Variants in PTPN11 observed in about 807,000 individuals in gnomAD.
PTPN11 encodes tyrosine-protein phosphatase non-receptor type 11.
In PTPN11, 6 loss-of-function variants were observed where a neutral mutation model predicts 78.8. That is an observed-to-expected ratio of 0.08 (90% confidence interval 0.04 to 0.15). The LOEUF is 0.15. PTPN11 is among the 10% of genes least tolerant of loss of function. PTPN11 has a pLI of 1.00. For synonymous variants in PTPN11, 221 were observed against 263.5 expected (o/e 0.84, Z 1.56); for missense variants, 386 against 744.8 (o/e 0.52, Z 5.61).
At chr12:112,493,981 G>C (rs191151522) in intron 13 of PTPN11, among the ~76,000 whole-genome samples, 1 of 152,076 alleles carries the variant, frequency 6.6e-6, no homozygotes, top group African/African-American at 2.4e-5. Context: ...TGCTGGACAC[G>C]GTGGCTCATG....
intron 1 of PTPN11, among the ~76,000 whole-genome samples, chr12:112,423,362 T>C (rs568281579): frequency 6.6e-6 from 1 of 152,264 alleles, no homozygotes; most frequent in Admixed American, 6.5e-5. Context: ...ATTGGCTCAC[T>C]GCAACCTCCA....
chr12:112,479,871 C>T (rs2038568061), intron 9 of PTPN11, among the ~76,000 whole-genome samples: 1 of 152,168 alleles, frequency 6.6e-6, no homozygotes, highest in African/African-American at 2.4e-5. Context: ...TCTCTGCTCC[C>T]TGTCTCATTC....
intron 1 of PTPN11, among the ~76,000 whole-genome samples, chr12:112,420,185 A>G (rs916518040): frequency 6.6e-6 from 1 of 152,186 alleles, no homozygotes; most frequent in Non-Finnish European, 1.5e-5. Flanking sequence ...TGTTGTTTTC[A>G]GATAGTGATC....
intron 1 of PTPN11, 80 bp downstream of exon 1, chr12:112,419,205 C>G: frequency 7.5e-7 from 1 of 1,326,380 alleles, no homozygotes; most frequent in Non-Finnish European, 9.7e-7. Flanking sequence ...GAAGGGGGCG[C>G]CCCGGCCGGG....
intron 1 of PTPN11, among the ~76,000 whole-genome samples, chr12:112,421,615 C>T (rs1321768347): frequency 6.6e-6 from 1 of 151,926 alleles, no homozygotes; most frequent in Non-Finnish European, 1.5e-5. Flanking sequence ...CTGCCCAGCC[C>T]TAGAATTTTA....
chr12:112,477,049 CTG>C (rs1319288731), intron 7 of PTPN11, among the ~76,000 whole-genome samples: 2 of 151,838 alleles, frequency 1.3e-5, no homozygotes, highest in Non-Finnish European at 2.9e-5. Context: ...TTTCTTGAGA[CTG>C]TGTCTCACTC....
At chr12:112,429,468 G>A (rs1004743547) in intron 1 of PTPN11, among the ~76,000 whole-genome samples, 4 of 150,690 alleles carry the variant, frequency 2.7e-5, no homozygotes, top group Non-Finnish European at 5.9e-5. Flanking sequence ...TTCACCTTTG[G>A]CAGTTGAAAC....
chr12:112,502,201 A>T lies in PTPN11; in HGVS notation c.1657A>T (p.Thr553Ser). Residue 553 changes from threonine to serine, a missense_variant, in exon 14 of 16, where the codon ACG becomes TCG. Thr to Ser is a moderately conservative substitution (Grantham distance 58, BLOSUM62 1). Around this residue, in one of 3 missense-constraint regions of PTPN11, gnomAD observed 44 missense variants for 59.3 expected, o/e 0.74. Coordinates refer to ENST00000351677, the MANE Select transcript of PTPN11 (RefSeq NM_002834.5). Reference sequence around the variant, plus strand: ...TATTAAGTATTCTCTAGCGGACCAGACGAGTGGAGATCAGAGCCCTCTCCC... The same window carrying T: ...TATTAAGTATTCTCTAGCGGACCAGTCGAGTGGAGATCAGAGCCCTCTCCC... The part of the protein sequence containing the change: ...TNIKYSLADQ[T>S]SGDQSPLPPC... The T allele has an allele frequency of 6.2e-7, 1 of 1,613,994 alleles. No homozygotes were observed. Among genetic ancestry groups the T allele is most frequent in the South Asian group, 1.1e-5 (1 of 91,082 alleles).
intron 1 of PTPN11, among the ~76,000 whole-genome samples, chr12:112,436,777 G>A (rs529298001): frequency 3.3e-5 from 5 of 151,394 alleles, no homozygotes; most frequent in African/African-American, 4.8e-5. Flanking sequence ...TAAGTTGTCC[G>A]CCTCTGAATG....
intron 1 of PTPN11, among the ~76,000 whole-genome samples, chr12:112,440,563 CTTTTTTTTTTTTTTTTTT>C: frequency 1.1e-5 from 1 of 90,712 alleles, no homozygotes; most frequent in African/African-American, 4.1e-5. Flanking sequence ...TGTGCCTGGC[CTTTTTTTTTTTTTTTTTT>C]TTTTTTTTTT....
intron 1 of PTPN11, among the ~76,000 whole-genome samples, chr12:112,430,464 T>C (rs1248402591): frequency 1.3e-5 from 2 of 152,220 alleles, no homozygotes; most frequent in Admixed American, 1.3e-4. Flanking sequence ...AGTCTTGGTC[T>C]GTCACCCAGG....
intron 13 of PTPN11, among the ~76,000 whole-genome samples, chr12:112,492,620 C>T (rs1334014612): frequency 2.0e-5 from 3 of 151,644 alleles, no homozygotes; most frequent in Non-Finnish European, 4.4e-5. Flanking sequence ...CGGGTTGACG[C>T]CATTCTCCTG....
At chr12:112,422,189 T>C (rs192083826) in intron 1 of PTPN11, among the ~76,000 whole-genome samples, 43 of 152,336 alleles carry the variant, frequency 2.8e-4, no homozygotes, top group Non-Finnish European at 6.2e-4. Flanking sequence ...TGAATGACAA[T>C]TAGTAGTCTG....
intron 6 of PTPN11, among the ~76,000 whole-genome samples, chr12:112,459,433 CTTT>C (rs200008574): frequency 1.4e-5 from 2 of 141,774 alleles, no homozygotes; most frequent in Admixed American, 7.1e-5. Context: ...GAAGCAAATA[CTTT>C]TTTTTTTTTT....
intron 13 of PTPN11, among the ~76,000 whole-genome samples, chr12:112,492,890 A>G (rs907747131): frequency 5.3e-5 from 8 of 152,250 alleles, no homozygotes; most frequent in Non-Finnish European, 1.0e-4. Flanking sequence ...TTACTGTGGT[A>G]TTTGCCAAAT....
At position 112,482,091 on chromosome 12, in the gene PTPN11, C is replaced by T; in HGVS notation, c.1110C>T (p.Tyr370=). The change falls in exon 10 of 16, where the codon TAC becomes TAT. Residue 370 remains tyrosine (Y), a synonymous_variant. Coordinates refer to ENST00000351677, the MANE Select transcript of PTPN11 (RefSeq NM_002834.5). The surrounding 1 kb of genome is among the most constrained non-coding windows in gnomAD (Gnocchi z 4.4). The part of the protein sequence containing the change: ...VERGKSKCVK[Y]WPDEYALKEY... ...TCTTCCAGAGTAAATGTGTCAAATACTGGCCTGATGAGTATGCTCTAAAAG... is the reference window on the plus strand; with the variant it reads ...TCTTCCAGAGTAAATGTGTCAAATATTGGCCTGATGAGTATGCTCTAAAAG... 1 of 1,577,440 alleles carries T rather than the reference C, an allele frequency of 6.3e-7. No individual in the cohort carries two copies. The highest frequency in any genetic ancestry group is 8.7e-7 in the Non-Finnish European group (1 of 1,146,820).
chr12:112,431,621 C>T (rs563059358), intron 1 of PTPN11, among the ~76,000 whole-genome samples: 5 of 152,166 alleles, frequency 3.3e-5, no homozygotes, highest in South Asian at 4.1e-4. Flanking sequence ...TGGAGGAAAT[C>T]GGAGACGTGA....
At chr12:112,488,930 A>G in intron 12 of PTPN11, 94 bp from the exon 13 acceptor site, 1 of 1,512,924 alleles carries the variant, frequency 6.6e-7, no homozygotes, top group Non-Finnish European at 9.2e-7. Context: ...AGACTAAATT[A>G]GCATTGTCTC....
At chr12:112,425,824 GCTCAA>G (rs1195404787) in intron 1 of PTPN11, among the ~76,000 whole-genome samples, 2 of 152,138 alleles carry the variant, frequency 1.3e-5, no homozygotes, top group Non-Finnish European at 2.9e-5. Flanking sequence ...AACCTCCTGG[GCTCAA>G]GGGATACACC....
Sources: allele counts gnomAD v4.1 joint callset (sites outside exome capture counted in the v4.1 genomes callset), GRCh38; gene constraint gnomAD v4.1.1; regional missense constraint gnomAD v4.1.1; non-coding constraint Gnocchi (gnomAD v3.1); transcripts MANE v1.5; gene names NCBI Gene and HGNC (gene_info 2026-07-23, HGNC 2026-07-21).